The following EPS8 variants were observed in gnomAD, a reference collection of about 807,000 sequenced individuals.
EPS8 encodes the protein epidermal growth factor receptor kinase substrate 8.
Under a neutral mutation model 103.8 loss-of-function variants are expected in EPS8, and 42 were observed. The ratio of observed to expected loss-of-function variants is 0.40; its 90% confidence interval spans 0.32 to 0.52. EPS8 has a LOEUF of 0.52. Ranked by LOEUF, EPS8 falls within the 20% of genes least tolerant of loss-of-function variation. The pLI, the probability that EPS8 is intolerant of heterozygous loss-of-function variation, is 0.40. For synonymous variants in EPS8, 344 were observed against 344.6 expected, an observed-to-expected ratio of 1.00 and a Z score of 0.02; for missense variants, 969 against 1,005.1, an observed-to-expected ratio of 0.96 and a Z score of 0.49.
In EPS8 at chr12:15,760,449, A is replaced by T. The variant is rs1947029783; in HGVS notation, c.-22+28712T>A. Among the ~76,000 whole-genome samples, 1 of 152,128 alleles carries T rather than the reference A, an allele frequency of 6.6e-6. No homozygotes were observed. The highest frequency in any genetic ancestry group is 1.5e-5 in the Non-Finnish European group (1 of 67,960). On this transcript the variant is annotated intron_variant, in intron 1 of 20. Coordinates refer to ENST00000281172, the MANE Select transcript of EPS8 (RefSeq NM_004447.6). The surrounding 1 kb of genome is among the most constrained non-coding windows in gnomAD (Gnocchi z 4.5). ...AGGAGAGGGTAATACTTCCAAACTC[A>T]TTCTATAAGCCCAGTATTACCCTGA... is the stretch of plus-strand genomic sequence containing the variant.
rs746418194 is a variant in EPS8, at chr12:15,666,389, A to T, written c.599+51T>A. ...ATTTTTCTAACTCTTTGGGGAAAAAAGCCTTAGAAACAAATCAATTCCACT... is the reference window on the plus strand; with the variant it reads ...ATTTTTCTAACTCTTTGGGGAAAAATGCCTTAGAAACAAATCAATTCCACT... On this transcript the variant is annotated intron_variant, in intron 7 of 20. Transcript: ENST00000281172. 8 of 1,378,172 alleles carry T rather than the reference A, an allele frequency of 5.8e-6. No individual in the cohort carries two copies. The African/African-American group carries it at 1.1e-4, about 20-fold the overall frequency. 85.4% of individuals were successfully genotyped at this position (1,378,172 alleles called of 1,614,324 possible).
chr12:15,626,394 G>A (rs976074681), intron 18 of EPS8, among the ~76,000 whole-genome samples: 1 of 152,056 alleles, frequency 6.6e-6, no homozygotes, highest in South Asian at 2.1e-4. Flanking sequence ...ACTTTGGGAG[G>A]CTGAGGCAGG....
chr12:15,752,472 T>C lies in EPS8; in HGVS notation c.-22+36689A>G, dbSNP rs879924209. Among the ~76,000 whole-genome samples the C allele has an allele frequency of 4.0e-5, 6 of 150,314 alleles. No individual in the cohort carries two copies. The highest frequency in any genetic ancestry group is 7.4e-5 in the Non-Finnish European group (5 of 67,484). ...AAAAAAAAAACAAAAACAAAAAAAA[T>C]AAAAATAAATTCCCCTAAAGAGCTG... On this transcript the variant is annotated intron_variant, in intron 1 of 20. Coordinates refer to ENST00000281172, the MANE Select transcript of EPS8 (RefSeq NM_004447.6). This position sits in a 1 kb window ranked among gnomAD's most constrained non-coding sequence, Gnocchi z 4.4.
intron 17 of EPS8, among the ~76,000 whole-genome samples, chr12:15,636,463 G>T (rs527976631): frequency 4.0e-4 from 61 of 152,162 alleles, no homozygotes; most frequent in Non-Finnish European, 7.4e-4. Flanking sequence ...CACTTCAAAT[G>T]TGAGGATATT....
At chr12:15,655,522 C>T (rs753487978) in intron 12 of EPS8, among the ~76,000 whole-genome samples, 8 of 152,094 alleles carry the variant, frequency 5.3e-5, no homozygotes, top group Non-Finnish European at 1.2e-4. Context: ...TGGCAGATAA[C>T]GGAGGAAAGC....
chr12:15,687,015 G>A (rs1946104769), intron 1 of EPS8, among the ~76,000 whole-genome samples: 1 of 151,912 alleles, frequency 6.6e-6, no homozygotes, highest in Non-Finnish European at 1.5e-5. Flanking sequence ...CAACCAAGTG[G>A]GAGGGGGTAT....
At chr12:15,649,702 C>T (rs1364717299) in intron 14 of EPS8, among the ~76,000 whole-genome samples, 2 of 152,084 alleles carry the variant, frequency 1.3e-5, no homozygotes, top group Non-Finnish European at 2.9e-5. Flanking sequence ...TTCAACCAAA[C>T]TTCTATAATA....
rs1004211044 is a variant in EPS8 at position 15,777,690 on chromosome 12, T to C, written c.-22+11471A>G. On this transcript the variant is annotated intron_variant, in intron 1 of 20. Coordinates refer to ENST00000281172, the MANE Select transcript of EPS8 (RefSeq NM_004447.6). This position sits in a 1 kb window ranked among gnomAD's most constrained non-coding sequence, Gnocchi z 4.7. ...GGAAAGCTATCAAAGTTATGAAAAA[T>C]ATACTTTTCTATTAAAGCCATCTGA... is the stretch of plus-strand genomic sequence containing the variant. 2.6e-5 allele frequency among the ~76,000 whole-genome samples: 4 copies of C among 152,110 alleles called. No homozygotes were observed. Among genetic ancestry groups the C allele is most frequent in the Admixed American group, 2.6e-4 (4 of 15,270 alleles).
chr12:15,781,300 T>C lies in EPS8; in HGVS notation c.-22+7861A>G, dbSNP rs1438853767. Among the ~76,000 whole-genome samples, 1 of 152,194 alleles carries C rather than the reference T, an allele frequency of 6.6e-6. No homozygotes were observed. Among genetic ancestry groups the C allele is most frequent in the Non-Finnish European group, 1.5e-5 (1 of 68,042 alleles). Reference sequence around the variant, plus strand: ...TAATTTGAGCAAGTATATAGCACAGTATTAAATAAAAGAATGTAATTAAGG... The same window carrying C: ...TAATTTGAGCAAGTATATAGCACAGCATTAAATAAAAGAATGTAATTAAGG... On this transcript the variant is annotated intron_variant, in intron 1 of 20. Transcript: ENST00000281172. This position sits in a 1 kb window ranked among gnomAD's most constrained non-coding sequence, Gnocchi z 4.1.
chr12:15,734,513 T>C lies in EPS8; in HGVS notation c.-21-51541A>G, dbSNP rs961033625. On this transcript the variant is annotated intron_variant, in intron 1 of 20. Coordinates refer to ENST00000281172, the MANE Select transcript of EPS8 (RefSeq NM_004447.6). This position sits in a 1 kb window ranked among gnomAD's most constrained non-coding sequence, Gnocchi z 4.1. ...ATCGAGACCATCCTGGCTAACACGGTGAAACCCCGTCTCTACTAAAAATAC... is the reference window on the plus strand; with the variant it reads ...ATCGAGACCATCCTGGCTAACACGGCGAAACCCCGTCTCTACTAAAAATAC... 1.3e-5 allele frequency among the ~76,000 whole-genome samples: 2 copies of C among 151,978 alleles called. No homozygotes were observed. Among genetic ancestry groups the C allele is most frequent in the African/African-American group, 4.8e-5 (2 of 41,378 alleles).
chr12:15,652,083 C>G (rs182863350), intron 13 of EPS8, among the ~76,000 whole-genome samples: 351 of 152,060 alleles, frequency 2.3e-3, no homozygotes, highest in African/African-American at 8.1e-3. Context: ...AAAATCATAA[C>G]CTATATAAAT....
chr12:15,703,044 G>C (rs1462361671), intron 1 of EPS8, among the ~76,000 whole-genome samples: 1 of 152,200 alleles, frequency 6.6e-6, no homozygotes, highest in Non-Finnish European at 1.5e-5. Flanking sequence ...AGCTACTCGG[G>C]AGGCTGAGCC....
chr12:15,693,405 T>A lies in EPS8; in HGVS notation c.-21-10433A>T, dbSNP rs1001597412. Among the ~76,000 whole-genome samples, 5 of 152,134 alleles carry A rather than the reference T, an allele frequency of 3.3e-5. No homozygotes were observed. The highest frequency in any genetic ancestry group is 9.7e-5 in the African/African-American group (4 of 41,414). On this transcript the variant is annotated intron_variant, in intron 1 of 20. Transcript: ENST00000281172. The surrounding 1 kb of genome is among the most constrained non-coding windows in gnomAD (Gnocchi z 5.6). ...GAATAAACTACTGGTTTTACTGGAG[T>A]GTGAGGAGGCATCTGGGATCCAAGT...
At chr12:15,686,572 C>T (rs895490035) in intron 1 of EPS8, among the ~76,000 whole-genome samples, 2 of 150,898 alleles carry the variant, frequency 1.3e-5, no homozygotes, top group Non-Finnish European at 3.0e-5. Context: ...CTAAGTTAAG[C>T]GAATGAAAAA....
rs1433282643 is a variant in EPS8 at position 15,704,836 on chromosome 12, T to A, written c.-21-21864A>T. Among the ~76,000 whole-genome samples, 2 of 152,226 alleles carry A rather than the reference T, an allele frequency of 1.3e-5. No individual in the cohort carries two copies. Among genetic ancestry groups the A allele is most frequent in the Admixed American group, 1.3e-4 (2 of 15,282 alleles). ...GCCACCTGGTCTGTAAGGCAAAGAC[T>A]AGATCTTATTGTAGCTGCCTCTGTT... On this transcript the variant is annotated intron_variant, in intron 1 of 20. Coordinates refer to ENST00000281172, the MANE Select transcript of EPS8 (RefSeq NM_004447.6). The surrounding 1 kb of genome is among the most constrained non-coding windows in gnomAD (Gnocchi z 4.6).
chr12:15,732,556 G>A (rs532695397), intron 1 of EPS8, among the ~76,000 whole-genome samples: 1 of 152,204 alleles, frequency 6.6e-6, no homozygotes, highest in South Asian at 2.1e-4. Flanking sequence ...ATGAAGCCCG[G>A]CCTATCTGCT....
chr12:15,672,874 A>G (rs1945840840), intron 3 of EPS8, among the ~76,000 whole-genome samples: 1 of 152,212 alleles, frequency 6.6e-6, no homozygotes, highest in Admixed American at 6.5e-5. Context: ...TTAGGACAGA[A>G]AAGAAATGGC....
Position 15,784,722 on chromosome 12 carries a change from AACTGGAAGC to A in EPS8, c.-22+4430_-22+4438del, listed in dbSNP as rs1468423909. Among the ~76,000 whole-genome samples the A allele has an allele frequency of 6.6e-6, 1 of 152,184 alleles. No homozygotes were observed. The highest frequency in any genetic ancestry group is 1.5e-5 in the Non-Finnish European group (1 of 67,998). On this transcript the variant is annotated intron_variant, in intron 1 of 20. Coordinates refer to ENST00000281172, the MANE Select transcript of EPS8 (RefSeq NM_004447.6). This position sits in a 1 kb window ranked among gnomAD's most constrained non-coding sequence, Gnocchi z 4.0. Reference sequence around the variant, plus strand: ...AGCAGCTTCGTTCATACTTGCCAAAAACTGGAAGCAACCAAAATATCCTTCAATAGGTGA... The same window carrying A: ...AGCAGCTTCGTTCATACTTGCCAAAAAACCAAAATATCCTTCAATAGGTGA...
At chr12:15,673,610 T>G (rs1945853259) in intron 3 of EPS8, among the ~76,000 whole-genome samples, 1 of 152,188 alleles carries the variant, frequency 6.6e-6, no homozygotes, top group African/African-American at 2.4e-5. Context: ...TTCTCATCCT[T>G]GGCTGCATGT....
Sources: gnomAD v4.1 joint callset for allele counts (sites outside exome capture counted in the v4.1 genomes callset) on GRCh38, gnomAD v4.1.1 for gene constraint, Gnocchi (gnomAD v3.1) non-coding constraint, MANE v1.5 for transcripts, NCBI Gene and HGNC (gene_info 2026-07-23, HGNC 2026-07-21) for gene names.